SGCD: variants seen among roughly 807,000 people sequenced by gnomAD.
SGCD encodes the protein delta-sarcoglycan.
A neutral mutation model predicts 36.6 loss-of-function variants in SGCD; 18 were observed. The ratio of observed to expected loss-of-function variants is 0.49; its 90% CI spans 0.34 to 0.73. SGCD has a LOEUF of 0.73. Ranked by LOEUF, SGCD falls within the 30% of genes least tolerant of loss-of-function variation. SGCD has a pLI of 0.01. For missense variants in SGCD, 387 were observed against 346.7 expected, an observed-to-expected ratio of 1.12 and a Z score of -0.92; for synonymous variants, 133 against 130.6, an observed-to-expected ratio of 1.02 and a Z score of -0.12.
intron 3 of SGCD, among the ~76,000 whole-genome samples, chr5:156,308,965 C>T (rs1435446384): frequency 1.3e-5 from 2 of 151,966 alleles, no homozygotes; most frequent in Admixed American, 1.3e-4. Context: ...TTTATTTTAG[C>T]ACTTTGAATG....
rs756287798 is a variant in SGCD at position 156,595,026 on chromosome 5, A to G, written c.477A>G (p.Val159=). ...LFSADNNEVV[V]GAERLRVLGA... is the part of the protein sequence containing the mutation. ...CTGCAGACAATAATGAAGTGGTAGT[A>G]GGAGCTGAAAGATTACGAGTTTTAG... is the stretch of plus-strand genomic sequence containing the variant. Residue 159 remains valine (V), a synonymous_variant, in exon 6 of 9, where the codon GTA becomes GTG. Transcript: ENST00000337851. The G allele has an allele frequency of 6.2e-7, 1 of 1,611,668 alleles. No homozygotes were observed. The highest frequency in any genetic ancestry group is 8.5e-7 in the Non-Finnish European group (1 of 1,178,416).
chr5:156,674,942 G>A (rs1753448917), intron 7 of SGCD, among the ~76,000 whole-genome samples: 1 of 152,172 alleles, frequency 6.6e-6, no homozygotes, highest in Non-Finnish European at 1.5e-5. Flanking sequence ...TTGTATTGAT[G>A]AGAAAACTGA....
intron 2 of SGCD, among the ~76,000 whole-genome samples, chr5:156,339,200 G>T (rs904899055): frequency 1.3e-5 from 2 of 152,062 alleles, no homozygotes; most frequent in Non-Finnish European, 2.9e-5. Flanking sequence ...CCCATCTAAT[G>T]GCAAAACAAC....
intron 3 of SGCD, among the ~76,000 whole-genome samples, chr5:156,500,126 TGGGGG>T (rs1355610616): frequency 7.2e-5 from 11 of 152,200 alleles, no homozygotes; most frequent in Admixed American, 3.3e-4. Flanking sequence ...TTTTGTCCAC[TGGGGG>T]CTGTATCCCC....
At position 156,033,480 on chromosome 5, in the gene SGCD, A is replaced by G. The variant is rs141409335; in HGVS notation, c.-281-84398A>G. ...GTTTTGTCCCCACTTGTAAGTGAGA[A>G]CATGCAGTATTTGACTTTCTGTTTC... On this transcript the variant is annotated intron_variant, in intron 1 of 9. Transcript: ENST00000517913. Among the ~76,000 whole-genome samples the G allele has an allele frequency of 1.4e-4, 22 of 152,258 alleles. No individual in the cohort carries two copies. The East Asian group carries it at 4.2e-3, about 29-fold the overall frequency.
chr5:156,274,616 A>T (rs1273188487), intron 3 of SGCD, among the ~76,000 whole-genome samples: 1 of 152,190 alleles, frequency 6.6e-6, no homozygotes, highest in African/African-American at 2.4e-5. Context: ...TTATCATAAC[A>T]AATGACTAAA....
chr5:156,650,235 G>A (rs1239534282), intron 7 of SGCD, among the ~76,000 whole-genome samples: 1 of 152,088 alleles, frequency 6.6e-6, no homozygotes, highest in Non-Finnish European at 1.5e-5. Flanking sequence ...TAAGTCCAGT[G>A]CAACAAAATA....
intron 6 of SGCD, among the ~76,000 whole-genome samples, chr5:156,597,250 A>T (rs1043026128): frequency 2.6e-5 from 4 of 152,152 alleles, no homozygotes; most frequent in Non-Finnish European, 4.4e-5. Flanking sequence ...TAGATGAAAG[A>T]CCAAGATTTC....
chr5:156,574,019 T>C (rs957411643), intron 4 of SGCD, among the ~76,000 whole-genome samples: 1 of 152,166 alleles, frequency 6.6e-6, no homozygotes, highest in Admixed American at 6.6e-5. Flanking sequence ...TACTAAATAC[T>C]GTTAGCACAT....
intron 3 of SGCD, among the ~76,000 whole-genome samples, chr5:156,490,463 A>G (rs915914920): frequency 1.4e-5 from 2 of 145,720 alleles, no homozygotes; most frequent in Non-Finnish European, 1.5e-5. Context: ...TCAACAAAAT[A>G]CTAGTAAACC....
intron 4 of SGCD, among the ~76,000 whole-genome samples, chr5:156,580,372 AG>A (rs2113332779): frequency 6.6e-6 from 1 of 152,196 alleles, no homozygotes; most frequent in Admixed American, 6.5e-5. Context: ...AACCTTGGTG[AG>A]TCTGACAATT....
Position 156,681,905 on chromosome 5 carries a change from C to T in SGCD, c.575+34369C>T, listed in dbSNP as rs181994312. Among the ~76,000 whole-genome samples the T allele has an allele frequency of 1.2e-4, 19 of 152,312 alleles. No homozygotes were observed. The East Asian group carries it at 2.9e-3, about 23-fold the overall frequency. Reference sequence around the variant, plus strand: ...TCTAAAAATGGTTTATGTCAAATGACGTTGCCAAAGCAAATGCTATTATGA... The same window carrying T: ...TCTAAAAATGGTTTATGTCAAATGATGTTGCCAAAGCAAATGCTATTATGA... On this transcript the variant is annotated intron_variant, in intron 7 of 8. Transcript: ENST00000337851.
the SGCD span, among the ~76,000 whole-genome samples, chr5:155,776,590 T>A: frequency 6.6e-6 from 1 of 152,118 alleles, no homozygotes; most frequent in East Asian, 1.9e-4. Flanking sequence ...AGCTGAGTAC[T>A]ACCAAAGCAC....
chr5:156,602,618 CT>C (rs1002902245), intron 6 of SGCD, among the ~76,000 whole-genome samples: 3 of 152,010 alleles, frequency 2.0e-5, no homozygotes, highest in African/African-American at 7.2e-5. Flanking sequence ...AGGTACCTAC[CT>C]TTTATACCTA....
chr5:156,270,675 C>T lies in SGCD; in HGVS notation c.-43-58859C>T, dbSNP rs1450933055. Reference sequence around the variant, plus strand: ...GACTTAAGACTCTAGAACCAAAGGACCTGGGTTTGACTCTTCAACTCTCTA... The same window carrying T: ...GACTTAAGACTCTAGAACCAAAGGATCTGGGTTTGACTCTTCAACTCTCTA... On this transcript the variant is annotated intron_variant, in intron 3 of 9. Transcript: ENST00000517913. 3.3e-5 allele frequency among the ~76,000 whole-genome samples: 5 copies of T among 152,182 alleles called. No homozygotes were observed. The East Asian group carries it at 9.7e-4, about 29-fold the overall frequency.
chr5:156,441,027 G>A (rs574580219), intron 3 of SGCD, among the ~76,000 whole-genome samples: 143 of 152,152 alleles, frequency 9.4e-4, no homozygotes, highest in Non-Finnish European at 1.7e-3. Context: ...AGATGTACTG[G>A]CATTTCAATG....
chr5:156,355,412 C>G (rs1769446722), intron 3 of SGCD, among the ~76,000 whole-genome samples: 1 of 151,170 alleles, frequency 6.6e-6, no homozygotes. Flanking sequence ...TGTACCTTTT[C>G]CACACATTCA....
upstream of SGCD, among the ~76,000 whole-genome samples, chr5:156,322,371 A>G (rs558516886): frequency 6.6e-6 from 1 of 152,176 alleles, no homozygotes; most frequent in Non-Finnish European, 1.5e-5. Flanking sequence ...TTACTTAAAA[A>G]TATCTATTGT....
intron 6 of SGCD, among the ~76,000 whole-genome samples, chr5:156,616,029 C>T (rs925117153): frequency 2.0e-5 from 3 of 152,136 alleles, no homozygotes; most frequent in Admixed American, 2.0e-4. Flanking sequence ...TTTATTGCCT[C>T]ATGTGATTGA....
Sources: allele counts gnomAD v4.1 joint callset (sites outside exome capture counted in the v4.1 genomes callset), GRCh38; gene constraint gnomAD v4.1.1; transcripts MANE v1.5; gene names NCBI Gene and HGNC (gene_info 2026-07-23, HGNC 2026-07-21).